Variants in FSIP1 observed in about 807,000 individuals in gnomAD.
The protein encoded by FSIP1 is fibrous sheath interacting protein 1.
In FSIP1, 65 loss-of-function variants were observed where a neutral mutation model predicts 60.9. The observed-to-expected ratio is 1.07, with a 90% confidence interval of 0.87 to 1.31. FSIP1 has a LOEUF of 1.31. FSIP1 is among the 40% of genes most tolerant of loss of function. FSIP1 has a pLI of 0.00. For synonymous variants in FSIP1, 209 were observed against 221.2 expected (o/e 0.94, Z 0.49); for missense variants, 675 against 665.5 (o/e 1.01, Z -0.16).
At chr15:39,650,223 G>T (rs573062510) in intron 10 of FSIP1, among the ~76,000 whole-genome samples, 2 of 152,280 alleles carry the variant, frequency 1.3e-5, no homozygotes, top group East Asian at 3.9e-4. Flanking sequence ...TCCTAAGAGG[G>T]TTATATAATA....
At chr15:39,661,378 C>T (rs553621966) in intron 10 of FSIP1, among the ~76,000 whole-genome samples, 12 of 152,332 alleles carry the variant, frequency 7.9e-5, no homozygotes, top group East Asian at 3.9e-4. Context: ...TTTGACTCAT[C>T]TGAGCCTAGC....
At chr15:39,673,853 T>C (rs1893818074) in intron 10 of FSIP1, among the ~76,000 whole-genome samples, 1 of 151,944 alleles carries the variant, frequency 6.6e-6, no homozygotes, top group Admixed American at 6.6e-5. Flanking sequence ...TTTCTATATA[T>C]ATATCATATA....
intron 10 of FSIP1, among the ~76,000 whole-genome samples, chr15:39,628,218 G>A (rs1223651255): frequency 6.6e-6 from 1 of 152,190 alleles, no homozygotes; most frequent in Non-Finnish European, 1.5e-5. Flanking sequence ...GGAGGCCTAG[G>A]ATTTACCTAG....
At chr15:39,692,058 GA>G (rs11291569) in intron 10 of FSIP1, among the ~76,000 whole-genome samples, 80,084 of 151,500 alleles carry the variant, frequency 0.53, 23,030 homozygotes, top group Non-Finnish European at 0.66. Context: ...CTACAAAGTC[GA>G]AAAAAAAAAT....
intron 10 of FSIP1, among the ~76,000 whole-genome samples, chr15:39,627,985 C>T (rs1891713904): frequency 6.6e-6 from 1 of 152,246 alleles, no homozygotes; most frequent in Admixed American, 6.5e-5. Context: ...CAGCTCCAAC[C>T]AGCCTCTGCA....
chr15:39,740,108 G>A (rs1009035427), intron 6 of FSIP1, among the ~76,000 whole-genome samples: 11 of 152,286 alleles, frequency 7.2e-5, no homozygotes, highest in African/African-American at 1.7e-4. Context: ...AGAAGAAATC[G>A]CTGATGTTAG....
chr15:39,658,118 C>T lies in FSIP1; in HGVS notation c.1189-39873G>A, dbSNP rs74693629. Among the ~76,000 whole-genome samples, 788 of 152,098 alleles carry T rather than the reference C, an allele frequency of 5.2e-3. 6 individuals are homozygous for T. The highest frequency in any genetic ancestry group is 0.018 in the African/African-American group (747 of 41,476). Reference sequence around the variant, plus strand: ...TTTATTCTGTGTTTTTTAGCTTGTCCTTTAAAAAATGAAGAATCCATTAAC... The same window carrying T: ...TTTATTCTGTGTTTTTTAGCTTGTCTTTTAAAAAATGAAGAATCCATTAAC... On this transcript the variant is annotated intron_variant, in intron 10 of 11. Coordinates refer to ENST00000350221, the MANE Select transcript of FSIP1 (RefSeq NM_152597.5).
chr15:39,658,529 C>A (rs981914508), intron 10 of FSIP1, among the ~76,000 whole-genome samples: 2 of 152,054 alleles, frequency 1.3e-5, no homozygotes, highest in African/African-American at 4.8e-5. Context: ...GGATTACAGG[C>A]GTGAGCCACC....
intron 8 of FSIP1, among the ~76,000 whole-genome samples, chr15:39,737,506 T>C (rs1896653782): frequency 6.6e-6 from 1 of 152,146 alleles, no homozygotes; most frequent in African/African-American, 2.4e-5. Flanking sequence ...ATGTCATCAG[T>C]AATAAGCACA....
At chr15:39,714,697 G>A (rs1895665466) in intron 9 of FSIP1, among the ~76,000 whole-genome samples, 1 of 151,570 alleles carries the variant, frequency 6.6e-6, no homozygotes, top group East Asian at 1.9e-4. Context: ...GGACAGGCCT[G>A]GTGGCTCATA....
At chr15:39,711,210 T>C (rs978370946) in intron 10 of FSIP1, among the ~76,000 whole-genome samples, 2 of 152,166 alleles carry the variant, frequency 1.3e-5, no homozygotes, top group African/African-American at 4.8e-5. Context: ...AAGTCCAAGA[T>C]CGAAGAGCTG....
intron 11 of FSIP1, among the ~76,000 whole-genome samples, chr15:39,609,345 G>A (rs143585108): frequency 4.3e-4 from 65 of 152,250 alleles, no homozygotes; most frequent in African/African-American, 1.5e-3. Flanking sequence ...GCCTTCCCCA[G>A]GCCAGGCAGC....
intron 10 of FSIP1, among the ~76,000 whole-genome samples, chr15:39,654,223 C>A (rs757795773): frequency 2.3e-4 from 35 of 152,142 alleles, no homozygotes; most frequent in Non-Finnish European, 1.9e-4. Context: ...ATCCATAAAC[C>A]AGTAATATAG....
intron 5 of FSIP1, among the ~76,000 whole-genome samples, chr15:39,743,243 T>C (rs1018815204): frequency 1.5e-4 from 23 of 152,166 alleles, no homozygotes; most frequent in African/African-American, 5.3e-4. Flanking sequence ...ACCAGTGTCA[T>C]GCAGGTGGGT....
At chr15:39,693,421 G>T (rs1595621887) in intron 10 of FSIP1, among the ~76,000 whole-genome samples, 1 of 152,180 alleles carries the variant, frequency 6.6e-6, no homozygotes, top group East Asian at 1.9e-4. Context: ...CCAATTAAAA[G>T]ATTTGTCTGC....
intron 11 of FSIP1, among the ~76,000 whole-genome samples, chr15:39,602,825 A>G (rs1470141426): frequency 6.6e-6 from 1 of 152,168 alleles, no homozygotes; most frequent in Non-Finnish European, 1.5e-5. Flanking sequence ...TTTGTCCTGA[A>G]GCTCTTACTA....
intron 10 of FSIP1, among the ~76,000 whole-genome samples, chr15:39,673,923 G>A (rs2411302): frequency 0.033 from 4,947 of 151,656 alleles, 262 homozygotes; most frequent in African/African-American, 0.11. Context: ...CACATTAAAA[G>A]TTTAAAGGAG....
chr15:39,757,126 G>GA (rs1035664922), intron 5 of FSIP1, among the ~76,000 whole-genome samples: 3 of 151,742 alleles, frequency 2.0e-5, no homozygotes, highest in Non-Finnish European at 2.9e-5. Context: ...AATTATACAG[G>GA]AAAAAAAGGC....
intron 10 of FSIP1, among the ~76,000 whole-genome samples, chr15:39,623,156 C>T (rs1891505475): frequency 6.6e-6 from 1 of 152,134 alleles, no homozygotes; most frequent in African/African-American, 2.4e-5. Flanking sequence ...GGAACACAGA[C>T]TGTGGATTAC....
Sources: allele counts gnomAD v4.1 joint callset (sites outside exome capture counted in the v4.1 genomes callset), GRCh38; gene constraint gnomAD v4.1.1; transcripts MANE v1.5; gene names NCBI Gene and HGNC (gene_info 2026-07-23, HGNC 2026-07-21).